Variants in RGS21 observed in about 807,000 individuals in gnomAD.
RGS21 encodes regulator of G-protein signalling 21.
Under a neutral mutation model 18.7 loss-of-function variants are expected in RGS21, and 19 were observed. The ratio of observed to expected loss-of-function variants is 1.01; its 90% CI spans 0.71 to 1.49. The LOEUF (loss-of-function observed/expected upper bound fraction) is 1.49, where lower values mean the gene tolerates loss of function less well. Ranked by LOEUF, RGS21 falls within the 40% of genes most tolerant of loss-of-function variation. The probability of loss-of-function intolerance (pLI) is 0.00; values close to 1 mark genes in which losing one functional copy is unlikely to be tolerated. For synonymous variants in RGS21, 56 were observed against 57.8 expected (o/e 0.97, Z 0.14); for missense variants, 194 against 176.8 (o/e 1.10, Z -0.55).
chr1:192,331,023 G>A (rs1345411163), intron 1 of RGS21, among the ~76,000 whole-genome samples: 3 of 152,152 alleles, frequency 2.0e-5, no homozygotes, highest in Admixed American at 2.0e-4. Flanking sequence ...CAGTGCTTGT[G>A]TATGTGGTAG....
intron 3 of RGS21, among the ~76,000 whole-genome samples, chr1:192,350,197 T>C (rs988109341): frequency 6.6e-6 from 1 of 152,206 alleles, no homozygotes; most frequent in African/African-American, 2.4e-5. Flanking sequence ...CCAAGAATTT[T>C]AATTGGTACC....
intron 4 of RGS21, among the ~76,000 whole-genome samples, chr1:192,360,115 CTGA>C (rs1211394316): frequency 6.6e-6 from 1 of 152,012 alleles, no homozygotes; most frequent in Non-Finnish European, 1.5e-5. Flanking sequence ...ACTCACTCTC[CTGA>C]TGATCTCTTC....
intron 3 of RGS21, among the ~76,000 whole-genome samples, chr1:192,350,488 C>G (rs1273336796): frequency 2.0e-5 from 3 of 152,064 alleles, no homozygotes; most frequent in Non-Finnish European, 4.4e-5. Flanking sequence ...TCCTCCTGTA[C>G]TTTGGAACTT....
intron 4 of RGS21, among the ~76,000 whole-genome samples, chr1:192,352,701 C>T (rs1659061199): frequency 6.6e-6 from 1 of 151,870 alleles, no homozygotes; most frequent in South Asian, 2.1e-4. Flanking sequence ...TAAAATTGAG[C>T]CAAAGATGTG....
intron 4 of RGS21, among the ~76,000 whole-genome samples, chr1:192,353,941 G>A (rs923328212): frequency 3.3e-5 from 5 of 151,244 alleles, no homozygotes; most frequent in Non-Finnish European, 7.4e-5. Flanking sequence ...CTGAAAATAC[G>A]CAAGTATAAA....
intron 1 of RGS21, among the ~76,000 whole-genome samples, chr1:192,338,132 A>G (rs1658800530): frequency 6.6e-6 from 1 of 152,134 alleles, no homozygotes; most frequent in Admixed American, 6.6e-5. Flanking sequence ...CCACTTTGGG[A>G]GATCAGACAC....
chr1:192,353,086 T>A (rs1659067238), intron 4 of RGS21, among the ~76,000 whole-genome samples: 1 of 152,004 alleles, frequency 6.6e-6, no homozygotes, highest in African/African-American at 2.4e-5. Context: ...AATGCTGACA[T>A]CTTTATAAGT....
At chr1:192,343,699 T>C (rs868614754) in intron 2 of RGS21, among the ~76,000 whole-genome samples, 4 of 152,116 alleles carry the variant, frequency 2.6e-5, no homozygotes, top group Non-Finnish European at 4.4e-5. Flanking sequence ...CATGAAATAC[T>C]AAGTGTAATT....
intron 1 of RGS21, among the ~76,000 whole-genome samples, chr1:192,342,108 GAGA>G (rs1339979100): frequency 1.3e-5 from 2 of 151,940 alleles, no homozygotes; most frequent in African/African-American, 2.4e-5. Flanking sequence ...GTAAGTCAAG[GAGA>G]AGAACATTTT....
chr1:192,343,439 A>G (rs1001837743), intron 2 of RGS21, among the ~76,000 whole-genome samples: 3 of 152,136 alleles, frequency 2.0e-5, no homozygotes, highest in Non-Finnish European at 4.4e-5. Context: ...TTCCTGGAGC[A>G]CATGGACTCC....
intron 1 of RGS21, among the ~76,000 whole-genome samples, chr1:192,336,808 A>G (rs1260453255): frequency 2.0e-5 from 3 of 152,178 alleles, no homozygotes; most frequent in Non-Finnish European, 4.4e-5. Flanking sequence ...CAAACTGACC[A>G]TGCCGGGGGA....
At chr1:192,346,228 ATC>A (rs1658942477) in intron 2 of RGS21, among the ~76,000 whole-genome samples, 1 of 152,130 alleles carries the variant, frequency 6.6e-6, no homozygotes, top group African/African-American at 2.4e-5. Context: ...CTACAACTGC[ATC>A]AGTAGAGGAA....
At chr1:192,350,391 C>T (rs566637600) in intron 3 of RGS21, among the ~76,000 whole-genome samples, 20 of 152,314 alleles carry the variant, frequency 1.3e-4, no homozygotes, top group Middle Eastern at 3.4e-3. Context: ...AAACAACAGA[C>T]TTAAACCTCT....
chr1:192,320,892 A>G (rs576057813), intron 1 of RGS21, among the ~76,000 whole-genome samples: 13 of 152,150 alleles, frequency 8.5e-5, no homozygotes, highest in South Asian at 6.2e-4. Flanking sequence ...GATTCTAAAC[A>G]CTAATTATAA....
intron 1 of RGS21, among the ~76,000 whole-genome samples, chr1:192,332,480 G>A (rs1658672405): frequency 6.6e-6 from 1 of 152,130 alleles, no homozygotes; most frequent in Non-Finnish European, 1.5e-5. Context: ...ATGAATCATA[G>A]ATTTAAATGT....
intron 3 of RGS21, among the ~76,000 whole-genome samples, chr1:192,350,657 A>T (rs1659028322): frequency 6.6e-6 from 1 of 152,184 alleles, no homozygotes; most frequent in Non-Finnish European, 1.5e-5. Flanking sequence ...TCAGAGATAT[A>T]CATTCTCAAA....
intron 1 of RGS21, among the ~76,000 whole-genome samples, chr1:192,318,644 A>T (rs1223232537): frequency 6.6e-6 from 1 of 152,152 alleles, no homozygotes; most frequent in Non-Finnish European, 1.5e-5. Context: ...GATGGGTTTT[A>T]TCATTCAGGA....
intron 2 of RGS21, among the ~76,000 whole-genome samples, chr1:192,345,669 G>A (rs1312542118): frequency 6.6e-6 from 1 of 151,900 alleles, no homozygotes; most frequent in Non-Finnish European, 1.5e-5. Context: ...CATTCAAAAT[G>A]GGCATTCTGC....
chr1:192,351,498 G>A (rs931372383), intron 3 of RGS21, among the ~76,000 whole-genome samples: 2 of 151,794 alleles, frequency 1.3e-5, no homozygotes, highest in African/African-American at 2.4e-5. Flanking sequence ...TGACCTGAGC[G>A]TAGTGCAATG....
Sources: gnomAD v4.1 joint callset for allele counts (sites outside exome capture counted in the v4.1 genomes callset) on GRCh38, gnomAD v4.1.1 for gene constraint, MANE v1.5 for transcripts, NCBI Gene and HGNC (gene_info 2026-07-23, HGNC 2026-07-21) for gene names.